PLD1: variants seen among roughly 807,000 people sequenced by gnomAD.
PLD1 encodes choline phosphatase 1.
In PLD1, 112 loss-of-function variants were observed where a neutral mutation model predicts 137.1. The observed-to-expected ratio is 0.82, with a 90% CI of 0.70 to 0.96. PLD1 has a LOEUF of 0.96. Among genes scored for constraint, PLD1 ranks in the 40% least tolerant of loss-of-function variants. PLD1 has a pLI of 0.00. For synonymous variants in PLD1, 431 were observed against 454.7 expected, an observed-to-expected ratio of 0.95 and a Z score of 0.66; for missense variants, 1,321 against 1,342.0, an observed-to-expected ratio of 0.98 and a Z score of 0.24.
chr3:171,758,072 T>A (rs1482323166), intron 1 of PLD1, among the ~76,000 whole-genome samples: 1 of 152,238 alleles, frequency 6.6e-6, no homozygotes, highest in African/African-American at 2.4e-5. Flanking sequence ...CATCTCTACC[T>A]TAACATGCCA....
intron 1 of PLD1, among the ~76,000 whole-genome samples, chr3:171,786,643 A>G (rs1723022719): frequency 6.6e-6 from 1 of 152,238 alleles, no homozygotes; most frequent in Non-Finnish European, 1.5e-5. Context: ...TGCTCAAAGC[A>G]ACATTACTGT....
At chr3:171,796,969 A>C (rs150003067) in intron 1 of PLD1, among the ~76,000 whole-genome samples, 7 of 152,200 alleles carry the variant, frequency 4.6e-5, no homozygotes, top group Non-Finnish European at 8.8e-5. Flanking sequence ...CTTCTTAAGC[A>C]TAGCTCTGAT....
At chr3:171,639,660 T>TA (rs1735550100) in intron 23 of PLD1, among the ~76,000 whole-genome samples, 3 of 117,240 alleles carry the variant, frequency 2.6e-5, no homozygotes, top group South Asian at 2.2e-4. Flanking sequence ...TAATATATAT[T>TA]CATATAATAT....
intron 20 of PLD1, among the ~76,000 whole-genome samples, chr3:171,660,599 ATTT>A (rs1209631153): frequency 4.6e-4 from 69 of 151,292 alleles, no homozygotes; most frequent in African/African-American, 1.7e-3. Flanking sequence ...TGATTATTTT[ATTT>A]TTTATTTTTT....
chr3:171,764,958 GAAAGAAAGAAAGAAAGAAA>G lies in PLD1; in HGVS notation c.-31-26895_-31-26877del, dbSNP rs1560289732. On this transcript the variant is annotated intron_variant, in intron 1 of 26. Coordinates refer to ENST00000351298, the MANE Select transcript of PLD1 (RefSeq NM_002662.5). ...GGAAAGAAAGAAAGAAAGAAAGAAA[GAAAGAAAGAAAGAAAGAAA>G]GAAAGAAAGAAAGAAAGAAAGAAAG... Among the ~76,000 whole-genome samples the G allele has an allele frequency of 3.3e-4, 20 of 61,352 alleles. 2 individuals are homozygous for G. The highest frequency in any genetic ancestry group is 1.1e-3 in the East Asian group (3 of 2,664). The allele number at this position is 61,352 out of a possible 152,430, so 40.2% of individuals were successfully genotyped here.
rs1047998292 is a variant in PLD1 at position 171,602,100 on chromosome 3, A to G, written c.*978T>C. ...ACGATGCCTCTGATTCTCTTGAAAG[A>G]CAAACTGTATTCACTAGTTTGATTT... On this transcript the variant is annotated 3_prime_UTR_variant, in exon 27 of 27. Coordinates refer to ENST00000351298, the MANE Select transcript of PLD1 (RefSeq NM_002662.5). The G allele has an allele frequency of 2.0e-5, 3 of 152,218 alleles. No homozygotes were observed. The highest frequency in any genetic ancestry group is 7.2e-5 in the African/African-American group (3 of 41,450). The allele number at this position is 152,218 out of a possible 1,614,324, so 9.4% of individuals were successfully genotyped here. A position where few individuals can be genotyped will look rare whatever the true frequency, so the allele number is the denominator to read the frequency against.
intron 25 of PLD1, among the ~76,000 whole-genome samples, chr3:171,609,197 ACAC>A (rs1732443505): frequency 6.6e-6 from 1 of 152,156 alleles, no homozygotes; most frequent in Admixed American, 6.6e-5. Flanking sequence ...ATACCATTTC[ACAC>A]CAATCAGAAT....
intron 12 of PLD1, among the ~76,000 whole-genome samples, chr3:171,694,306 T>A (rs1715482700): frequency 6.6e-6 from 1 of 152,130 alleles, no homozygotes. Context: ...TAGTACTTGC[T>A]AATTATTTAT....
intron 6 of PLD1, among the ~76,000 whole-genome samples, chr3:171,730,645 A>ATTTTTTTTT (rs1718865589): frequency 1.0e-5 from 1 of 97,006 alleles, no homozygotes; most frequent in African/African-American, 4.9e-5. Flanking sequence ...ATCTATCTCC[A>ATTTTTTTTT]CTTTTTTTTT....
intron 16 of PLD1, among the ~76,000 whole-genome samples, chr3:171,682,642 A>T (rs1714128935): frequency 6.6e-6 from 1 of 152,204 alleles, no homozygotes; most frequent in Admixed American, 6.5e-5. Context: ...TGCTCTTTAA[A>T]CTTCCTTCAT....
chr3:171,634,666 C>T (rs1429975846), intron 23 of PLD1, among the ~76,000 whole-genome samples: 1 of 152,060 alleles, frequency 6.6e-6, no homozygotes, highest in Admixed American at 6.6e-5. Flanking sequence ...GTACATATGC[C>T]TATTTTGAAA....
chr3:171,773,001 G>A (rs1722446223), intron 1 of PLD1, among the ~76,000 whole-genome samples: 1 of 152,138 alleles, frequency 6.6e-6, no homozygotes, highest in Admixed American at 6.5e-5. Flanking sequence ...CACAATCTTT[G>A]AAATGGAAGA....
At chr3:171,725,497 TA>T (rs1218275006) in intron 7 of PLD1, among the ~76,000 whole-genome samples, 1 of 152,172 alleles carries the variant, frequency 6.6e-6, no homozygotes, top group Non-Finnish European at 1.5e-5. Flanking sequence ...GGCTAAACTT[TA>T]AAAAAAACTT....
chr3:171,627,105 A>C (rs1324995343), intron 23 of PLD1, among the ~76,000 whole-genome samples: 1 of 152,236 alleles, frequency 6.6e-6, no homozygotes, highest in African/African-American at 2.4e-5. Flanking sequence ...TGCTGTATTC[A>C]GGAAACCCAT....
At chr3:171,644,472 A>C (rs969115267) in intron 22 of PLD1, among the ~76,000 whole-genome samples, 1 of 152,268 alleles carries the variant, frequency 6.6e-6, no homozygotes, top group Non-Finnish European at 1.5e-5. Flanking sequence ...TTACTAACAG[A>C]GGCTATCATT....
At chr3:171,797,701 G>C (rs536100922) in intron 1 of PLD1, among the ~76,000 whole-genome samples, 1 of 152,164 alleles carries the variant, frequency 6.6e-6, no homozygotes, top group Admixed American at 6.5e-5. Context: ...AGCAGCTTTT[G>C]ACCAAAATAT....
intron 6 of PLD1, among the ~76,000 whole-genome samples, chr3:171,732,062 C>T (rs1353998792): frequency 1.3e-5 from 2 of 152,118 alleles, no homozygotes; most frequent in Non-Finnish European, 1.5e-5. Flanking sequence ...AGTAAAGTCA[C>T]AGGCAGGCAG....
chr3:171,744,438 C>G (rs1719996027), intron 1 of PLD1, among the ~76,000 whole-genome samples: 1 of 152,164 alleles, frequency 6.6e-6, no homozygotes, highest in Non-Finnish European at 1.5e-5. Flanking sequence ...GTCTGACTCC[C>G]AAACACAGCC....
intron 6 of PLD1, among the ~76,000 whole-genome samples, chr3:171,728,425 A>T (rs1718699618): frequency 6.6e-6 from 1 of 152,218 alleles, no homozygotes; most frequent in Non-Finnish European, 1.5e-5. Flanking sequence ...ATGCTTCTTA[A>T]TTGGAAAAGG....
Sources: allele counts gnomAD v4.1 joint callset (sites outside exome capture counted in the v4.1 genomes callset), GRCh38; gene constraint gnomAD v4.1.1; transcripts MANE v1.5; gene names NCBI Gene and HGNC (gene_info 2026-07-23, HGNC 2026-07-21).